The following DOCK3 variants were observed in gnomAD, a reference collection of about 807,000 sequenced individuals.
DOCK3 encodes the protein dedicator of cytokinesis protein 3.
Under a neutral mutation model 265.6 loss-of-function variants are expected in DOCK3, and 60 were observed. The ratio of observed to expected loss-of-function variants is 0.23; its 90% confidence interval spans 0.18 to 0.28. The LOEUF (loss-of-function observed/expected upper bound fraction) is 0.28. DOCK3 is among the 10% of genes least tolerant of loss of function. The pLI is 1.00. For synonymous variants in DOCK3, 881 were observed against 938.0 expected (o/e 0.94, Z 1.11); for missense variants, 1,981 against 2,594.3 (o/e 0.76, Z 5.14).
chr3:50,882,664 T>G (rs2048108823), intron 3 of DOCK3, among the ~76,000 whole-genome samples: 1 of 152,194 alleles, frequency 6.6e-6, no homozygotes. Flanking sequence ...TTTACACTGT[T>G]GGTGGGACTG....
chr3:51,078,169 G>A (rs1358414099), intron 7 of DOCK3, among the ~76,000 whole-genome samples: 1 of 152,138 alleles, frequency 6.6e-6, no homozygotes, highest in African/African-American at 2.4e-5. Flanking sequence ...GGTGATTGCT[G>A]TCTGCAGAGA....
chr3:51,338,400 G>T lies in DOCK3; in HGVS notation c.3653G>T (p.Gly1218Val). The part of the protein sequence containing the change: ...KGEETENKKI[G>V]CTVNLMNFYK... ...GAGGAAACAGAGAATAAGAAGATAG[G>T]CTGCACTGTTAACCTGATGGTGAGA... Residue 1218 changes from glycine (G) to valine (V), a missense_variant, in exon 36 of 53, where the codon GGC becomes GTC. Transcript: ENST00000266037. 6.4e-7 allele frequency: 1 copy of T among 1,551,894 alleles called. No homozygotes were observed. Among genetic ancestry groups the T allele is most frequent in the Non-Finnish European group, 8.7e-7 (1 of 1,147,084 alleles).
At chr3:50,799,958 C>T (rs1034966153) in intron 2 of DOCK3, among the ~76,000 whole-genome samples, 3 of 151,960 alleles carry the variant, frequency 2.0e-5, no homozygotes, top group Non-Finnish European at 2.9e-5. Context: ...TGAGGTGTTA[C>T]GGTTTTTGTC....
intron 4 of DOCK3, among the ~76,000 whole-genome samples, chr3:50,891,876 A>T (rs1322392569): frequency 6.6e-6 from 1 of 152,088 alleles, no homozygotes; most frequent in Non-Finnish European, 1.5e-5. Context: ...GTTATAAAGG[A>T]CATTGGGGAG....
chr3:50,905,043 C>G (rs982168566), intron 4 of DOCK3, among the ~76,000 whole-genome samples: 1 of 152,034 alleles, frequency 6.6e-6, no homozygotes, highest in African/African-American at 2.4e-5. Context: ...GCTTGTTTTT[C>G]TCAGCTTTGT....
intron 3 of DOCK3, among the ~76,000 whole-genome samples, chr3:50,844,173 A>C (rs897245002): frequency 6.6e-6 from 1 of 152,236 alleles, no homozygotes. Context: ...AATAGCTCAA[A>C]TAATATCTGA....
chr3:50,883,816 A>C (rs1197745267), intron 3 of DOCK3, among the ~76,000 whole-genome samples: 1 of 152,192 alleles, frequency 6.6e-6, no homozygotes, highest in Non-Finnish European at 1.5e-5. Flanking sequence ...TACAAACATC[A>C]CCATTATTAT....
At chr3:50,967,118 C>T (rs1030132318) in intron 5 of DOCK3, among the ~76,000 whole-genome samples, 2 of 152,068 alleles carry the variant, frequency 1.3e-5, no homozygotes, top group Non-Finnish European at 1.5e-5. Flanking sequence ...GGCTGTTGAA[C>T]ACTAGAACTT....
At chr3:51,325,616 T>C (rs1391610197) in intron 32 of DOCK3, among the ~76,000 whole-genome samples, 1 of 152,212 alleles carries the variant, frequency 6.6e-6, no homozygotes, top group African/African-American at 2.4e-5. Context: ...TGCACATGTA[T>C]GTTTACTGCG....
At chr3:50,823,694 C>T (rs546227063) in intron 2 of DOCK3, among the ~76,000 whole-genome samples, 12 of 152,232 alleles carry the variant, frequency 7.9e-5, no homozygotes, top group South Asian at 6.2e-4. Context: ...ACCTCCCAGA[C>T]GGGGTGGTGG....
In DOCK3 at chr3:50,804,112, G is replaced by A. The variant is rs550408000; in HGVS notation, c.121+25354G>A. On this transcript the variant is annotated intron_variant, in intron 2 of 52. Transcript: ENST00000266037. ...CTTACATCTCAGACGGGGCGGCGGG[G>A]CAGAGGCGCTCCCCACATCTCAGAT... 8.3e-4 allele frequency among the ~76,000 whole-genome samples: 126 copies of A among 150,970 alleles called. 3 individuals are homozygous for A. In the South Asian group the frequency reaches 0.026, roughly 31 times the overall value.
chr3:51,313,029 C>G (rs1268844265), intron 31 of DOCK3, 127 bp downstream of exon 31: 15 of 832,210 alleles, frequency 1.8e-5, no homozygotes, highest in Non-Finnish European at 2.9e-5. Flanking sequence ...ACATATCTTT[C>G]ACATAACACC....
rs138913489 is a variant in DOCK3, at chr3:51,116,680, T to A, written c.746+26296T>A. 2.8e-4 allele frequency among the ~76,000 whole-genome samples: 42 copies of A among 152,222 alleles called. No homozygotes were observed. In the East Asian group the frequency reaches 8.1e-3, roughly 29 times the overall value. The stretch of plus-strand genomic sequence containing the variant: ...TTCTCCTTGTAGAGGTCCTTCACAT[T>A]TCTTGTAAGTTGTATTCCTGGGCAT... On this transcript the variant is annotated intron_variant, in intron 9 of 52. Coordinates refer to ENST00000266037, the MANE Select transcript of DOCK3 (RefSeq NM_004947.5).
rs148344271 is a variant in DOCK3, at chr3:51,326,583, T to TTTG, written c.3403-3504_3403-3502dup. Among the ~76,000 whole-genome samples the TTTG allele has an allele frequency of 8.4e-3, 1,174 of 140,100 alleles. 11 individuals carry two copies. Among genetic ancestry groups the TTTG allele is most frequent in the East Asian group, 0.011 (50 of 4,662 alleles). 91.9% of individuals were successfully genotyped at this position (140,100 alleles called of 152,430 possible). A position where few individuals can be genotyped will look rare whatever the true frequency, so the allele number is the denominator to read the frequency against. On this transcript the variant is annotated intron_variant, in intron 32 of 52. Transcript: ENST00000266037. The stretch of plus-strand genomic sequence containing the variant: ...GCGTGAGCCCCCACGCCTGGCATGT[T>TTTG]TTGTTGTTGTTGTTGTTGTTGTTGT...
In DOCK3 at chr3:50,848,487, G is replaced by A. The variant is rs144278866; in HGVS notation, c.162+6772G>A. 2.0e-5 allele frequency among the ~76,000 whole-genome samples: 3 copies of A among 152,262 alleles called. No individual in the cohort carries two copies. In the East Asian group the frequency reaches 5.8e-4, roughly 29 times the overall value. On this transcript the variant is annotated intron_variant, in intron 3 of 52. Coordinates refer to ENST00000266037, the MANE Select transcript of DOCK3 (RefSeq NM_004947.5). Reference sequence around the variant, plus strand: ...GATCTCCTGTAAGCCTGGACTAGTGGTAACAAATTTCCTTAGTGCGTGCTT... The same window carrying A: ...GATCTCCTGTAAGCCTGGACTAGTGATAACAAATTTCCTTAGTGCGTGCTT...
At chr3:51,267,477 C>T (rs1009264811) in intron 23 of DOCK3, among the ~76,000 whole-genome samples, 2 of 151,726 alleles carry the variant, frequency 1.3e-5, no homozygotes, top group Admixed American at 6.6e-5. Flanking sequence ...CTCCACCTCC[C>T]GTGTTCAAGT....
At chr3:51,054,121 TA>T (rs35733959) in intron 5 of DOCK3, among the ~76,000 whole-genome samples, 62,678 of 84,948 alleles carry the variant, frequency 0.74, 22,665 homozygotes, top group East Asian at 0.86. Flanking sequence ...CGTAGCTTCC[TA>T]AAAAAAAAAA....
intron 32 of DOCK3, among the ~76,000 whole-genome samples, chr3:51,318,440 A>T (rs1035762804): frequency 1.3e-5 from 2 of 152,156 alleles, no homozygotes; most frequent in Non-Finnish European, 2.9e-5. Flanking sequence ...TGAAAACAGT[A>T]TATCTTTCCA....
chr3:51,381,408 G>C lies in DOCK3; in HGVS notation c.5942G>C (p.Arg1981Pro). 2 of 1,612,128 alleles carry C rather than the reference G, an allele frequency of 1.2e-6. No homozygotes were observed. Among genetic ancestry groups the C allele is most frequent in the Non-Finnish European group, 1.7e-6 (2 of 1,179,594 alleles). Reference sequence around the variant, plus strand: ...CTGCCGCCCAAGCCCTACCACCCCCGCCTGCCGGCCCTGGAGCACGATGAG... The same window carrying C: ...CTGCCGCCCAAGCCCTACCACCCCCCCCTGCCGGCCCTGGAGCACGATGAG... ...PALPPKPYHP[R>P]LPALEHDEGV... is the part of the protein sequence containing the mutation. The change falls in exon 53 of 53, where the codon CGC becomes CCC. Residue 1981 changes from arginine (R) to proline (P), a missense_variant. Coordinates refer to ENST00000266037, the MANE Select transcript of DOCK3 (RefSeq NM_004947.5). The surrounding 1 kb of genome is among the most constrained non-coding windows in gnomAD (Gnocchi z 5.6).
Sources: gnomAD v4.1 joint callset for allele counts (sites outside exome capture counted in the v4.1 genomes callset) on GRCh38, gnomAD v4.1.1 for gene constraint, Gnocchi (gnomAD v3.1) non-coding constraint, MANE v1.5 for transcripts, NCBI Gene and HGNC (gene_info 2026-07-23, HGNC 2026-07-21) for gene names.